The following TENM3 variants were observed in gnomAD, a reference collection of about 807,000 sequenced individuals.
TENM3 encodes teneurin-3.
In TENM3, 63 loss-of-function variants were observed where a neutral mutation model predicts 255.1. The ratio of observed to expected loss-of-function variants is 0.25; its 90% CI spans 0.20 to 0.30. TENM3 has a LOEUF of 0.30. Ranked by LOEUF, TENM3 falls within the 10% of genes least tolerant of loss-of-function variation. The pLI, the probability that TENM3 is intolerant of heterozygous loss-of-function variation, is 1.00. For synonymous variants in TENM3, 1,306 were observed against 1,322.3 expected, an observed-to-expected ratio of 0.99 and a Z score of 0.27; for missense variants, 2,929 against 3,461.1, an observed-to-expected ratio of 0.85 and a Z score of 3.86.
chr4:182,368,898 A>C (rs1766604966), intron 3 of TENM3, among the ~76,000 whole-genome samples: 1 of 152,066 alleles, frequency 6.6e-6, no homozygotes, highest in South Asian at 2.1e-4. Flanking sequence ...CATGAGATGC[A>C]TTTCTTCTCC....
At chr4:182,083,720 T>C in the TENM3 span, among the ~76,000 whole-genome samples, 1 of 152,244 alleles carries the variant, frequency 6.6e-6, no homozygotes, top group Non-Finnish European at 1.5e-5. Flanking sequence ...ATAGAATTGT[T>C]TCTTTCAAAA....
chr4:182,289,545 TTAAC>T (rs1262255166), intron 1 of TENM3, among the ~76,000 whole-genome samples: 1 of 152,254 alleles, frequency 6.6e-6, no homozygotes, highest in Non-Finnish European at 1.5e-5. Flanking sequence ...CAATAAATCT[TTAAC>T]TAAATCTTAT....
chr4:182,783,258 CA>C (rs1400387499), intron 24 of TENM3, among the ~76,000 whole-genome samples: 1 of 152,144 alleles, frequency 6.6e-6, no homozygotes, highest in African/African-American at 2.4e-5. Context: ...CTGGTGGTGA[CA>C]AAATCTCTCA....
rs149807914 is a variant in TENM3 at position 182,483,002 on chromosome 4, T to C, written c.512-117922T>C. Among the ~76,000 whole-genome samples, 107 of 152,334 alleles carry C rather than the reference T, an allele frequency of 7.0e-4. 2 individuals carry two copies. The highest frequency in any genetic ancestry group is 2.5e-3 in the African/African-American group (104 of 41,588). On this transcript the variant is annotated intron_variant, in intron 3 of 27. Transcript: ENST00000511685. ...ATTAAGAATATTACCCAAATTTTCA[T>C]ATTGCTTTAGGAATATTTACAGGAA...
chr4:181,783,899 C>T, the TENM3 span, among the ~76,000 whole-genome samples: 1 of 152,154 alleles, frequency 6.6e-6, no homozygotes, highest in Non-Finnish European at 1.5e-5. Context: ...GCAGGTCTCA[C>T]TATGTTGCCC....
chr4:182,412,041 C>T (rs1337942612), intron 3 of TENM3, among the ~76,000 whole-genome samples: 8 of 152,148 alleles, frequency 5.3e-5, no homozygotes, highest in East Asian at 1.9e-4. Context: ...CCTGATCCAA[C>T]GCCTGGACCC....
intron 3 of TENM3, among the ~76,000 whole-genome samples, chr4:182,411,907 T>C (rs1770015285): frequency 6.6e-6 from 1 of 152,108 alleles, no homozygotes; most frequent in African/African-American, 2.4e-5. Flanking sequence ...AAAAGCAACT[T>C]AAGTGTGTCC....
the TENM3 span, among the ~76,000 whole-genome samples, chr4:181,539,602 A>C: frequency 7.2e-5 from 11 of 152,336 alleles, no homozygotes; most frequent in East Asian, 2.1e-3. Context: ...TGTAAAAATG[A>C]GTAAGGAAAT....
chr4:182,139,830 G>T (rs914806172), upstream of TENM3, among the ~76,000 whole-genome samples: 1 of 152,176 alleles, frequency 6.6e-6, no homozygotes, highest in Admixed American at 6.5e-5. Context: ...CACGCGTAAG[G>T]CCCGGTTTAC....
the TENM3 span, among the ~76,000 whole-genome samples, chr4:181,971,858 C>T: frequency 6.6e-6 from 1 of 151,808 alleles, no homozygotes; most frequent in Non-Finnish European, 1.5e-5. Context: ...TCATGCACCA[C>T]TGCACCTGGC....
the TENM3 span, among the ~76,000 whole-genome samples, chr4:181,997,473 C>T: frequency 1.3e-5 from 2 of 152,104 alleles, no homozygotes; most frequent in Non-Finnish European, 2.9e-5. Context: ...CTCATGTTCT[C>T]CCAAGAGGAA....
chr4:181,872,242 T>G, the TENM3 span, among the ~76,000 whole-genome samples: 5 of 151,694 alleles, frequency 3.3e-5, no homozygotes, highest in Admixed American at 2.0e-4. Flanking sequence ...TATGTGTGTA[T>G]ACATATATAA....
At chr4:182,608,802 G>A (rs971074198) in intron 4 of TENM3, among the ~76,000 whole-genome samples, 13 of 152,144 alleles carry the variant, frequency 8.5e-5, no homozygotes, top group Admixed American at 2.6e-4. Context: ...CCTGCTGCAG[G>A]GGTCCTAGGA....
chr4:182,351,478 C>G (rs184913162), intron 3 of TENM3, among the ~76,000 whole-genome samples: 2 of 152,272 alleles, frequency 1.3e-5, no homozygotes, highest in East Asian at 3.9e-4. Flanking sequence ...CCTGAATCAC[C>G]TAGAGTGGCA....
the TENM3 span, among the ~76,000 whole-genome samples, chr4:182,133,975 A>G: frequency 1.3e-5 from 2 of 152,290 alleles, no homozygotes; most frequent in African/African-American, 2.4e-5. Flanking sequence ...CTGATTCCCT[A>G]TAGCTGAAAT....
the TENM3 span, among the ~76,000 whole-genome samples, chr4:181,931,591 C>T: frequency 3.3e-5 from 5 of 152,182 alleles, no homozygotes; most frequent in South Asian, 8.3e-4. Context: ...CCATACTGCC[C>T]AAAGTAATTT....
chr4:182,064,473 C>T, the TENM3 span, among the ~76,000 whole-genome samples: 2 of 152,000 alleles, frequency 1.3e-5, no homozygotes, highest in South Asian at 4.1e-4. Flanking sequence ...AGCTACTCTA[C>T]TCGGGAGGCT....
At chr4:181,740,687 GA>G in the TENM3 span, among the ~76,000 whole-genome samples, 23,783 of 144,084 alleles carry the variant, frequency 0.17, 2,208 homozygotes, top group African/African-American at 0.27. Flanking sequence ...ATCAGCACTG[GA>G]AAAAAAAAAA....
intron 22 of TENM3, among the ~76,000 whole-genome samples, chr4:182,765,148 T>C (rs551210646): frequency 2.0e-5 from 3 of 152,022 alleles, no homozygotes; most frequent in South Asian, 4.2e-4. Flanking sequence ...AAAAAATGTC[T>C]GATTGGAACT....
Sources: gnomAD v4.1 joint callset for allele counts (sites outside exome capture counted in the v4.1 genomes callset) on GRCh38, gnomAD v4.1.1 for gene constraint, MANE v1.5 for transcripts, NCBI Gene and HGNC (gene_info 2026-07-23, HGNC 2026-07-21) for gene names.